Variants in PDE9A observed in about 807,000 individuals in gnomAD.
PDE9A encodes phosphodiesterase 9A.
In PDE9A, 60 loss-of-function variants were observed where a neutral mutation model predicts 87.4. The observed-to-expected ratio is 0.69, with a 90% CI of 0.56 to 0.85. The LOEUF is 0.85. Among genes scored for constraint, PDE9A ranks in the 40% least tolerant of loss-of-function variants. The pLI is 0.00. For missense variants in PDE9A, 665 were observed against 779.0 expected (o/e 0.85, Z 1.74); for synonymous variants, 272 against 279.4 (o/e 0.97, Z 0.27).
chr21:42,666,159 A>G (rs779931949), intron 1 of PDE9A, among the ~76,000 whole-genome samples: 4 of 151,968 alleles, frequency 2.6e-5, no homozygotes, highest in African/African-American at 7.3e-5. Flanking sequence ...GGGCGTGGTC[A>G]TTCGTGCAGT....
intron 6 of PDE9A, 60 bp from the exon 7 acceptor site, chr21:42,733,296 G>GT: frequency 1.0e-6 from 1 of 1,004,762 alleles, no homozygotes; most frequent in Non-Finnish European, 1.6e-6. Flanking sequence ...TGCTTAACCG[G>GT]TTTTGGCTCT....
chr21:42,687,801 C>A, intron 2 of PDE9A, 116 bp from the exon 3 acceptor site: 2 of 813,782 alleles, frequency 2.5e-6, no homozygotes, highest in South Asian at 1.5e-5. Context: ...ACACCTTGGT[C>A]AGGCTGGTCC....
rs1359382314 is a variant in PDE9A, at chr21:42,759,062, C to G, written c.874C>G (p.Pro292Ala). 1 of 1,613,920 alleles carries G rather than the reference C, an allele frequency of 6.2e-7. No homozygotes were observed. Among genetic ancestry groups the G allele is most frequent in the Non-Finnish European group, 8.5e-7 (1 of 1,179,788 alleles). ...GCTGGTCAGGGACTTCAGCATCAAC[C>G]CTGTCACCCTCAGGAGGTGGCTGGT... ...LGLVRDFSIN[P>A]VTLRRWLFCV... Residue 292 changes from proline to alanine, a missense_variant, in exon 11 of 20, where the codon CCT becomes GCT. Coordinates refer to ENST00000291539, the MANE Select transcript of PDE9A (RefSeq NM_002606.3). The surrounding 1 kb of genome is among the most constrained non-coding windows in gnomAD (Gnocchi z 7.2).
At chr21:42,697,355 A>G in intron 3 of PDE9A, 1 of 996,636 alleles carries the variant, frequency 1.0e-6, no homozygotes, top group Non-Finnish European at 1.6e-6. Flanking sequence ...GCCCCCAGTT[A>G]ATCACCATGA....
chr21:42,764,608 C>T (rs1470662248), intron 14 of PDE9A, among the ~76,000 whole-genome samples: 3 of 152,244 alleles, frequency 2.0e-5, no homozygotes, highest in East Asian at 3.8e-4. Flanking sequence ...CACAGGGGAT[C>T]GTTCTCGTGC....
At chr21:42,670,532 TCA>T (rs1457773151) in intron 1 of PDE9A, among the ~76,000 whole-genome samples, 10 of 148,660 alleles carry the variant, frequency 6.7e-5, no homozygotes, top group South Asian at 2.1e-4. Flanking sequence ...AATCACACAT[TCA>T]CACTCACGTA....
chr21:42,671,051 G>A (rs1189218193), intron 1 of PDE9A, among the ~76,000 whole-genome samples: 1 of 152,140 alleles, frequency 6.6e-6, no homozygotes, highest in African/African-American at 2.4e-5. Context: ...TAATTACATT[G>A]TGGTTATCTT....
At chr21:42,668,954 C>T (rs62215379) in intron 1 of PDE9A, among the ~76,000 whole-genome samples, 19,802 of 147,048 alleles carry the variant, frequency 0.13, 1,616 homozygotes, top group East Asian at 0.35. Flanking sequence ...CTCTGGCCAG[C>T]GGCTGAGCCC....
intron 1 of PDE9A, among the ~76,000 whole-genome samples, chr21:42,670,716 C>T (rs1569120189): frequency 6.6e-6 from 1 of 151,676 alleles, no homozygotes; most frequent in East Asian, 1.9e-4. Flanking sequence ...TACACTTACA[C>T]TCACAGTCAC....
chr21:42,673,822 A>T (rs879595134), intron 1 of PDE9A, among the ~76,000 whole-genome samples: 13 of 152,156 alleles, frequency 8.5e-5, no homozygotes, highest in Non-Finnish European at 1.8e-4. Flanking sequence ...GCCAGCCTGG[A>T]TGCCTGGGCG....
chr21:42,691,563 A>G (rs1223171215), intron 3 of PDE9A, among the ~76,000 whole-genome samples: 4 of 150,318 alleles, frequency 2.7e-5, no homozygotes, highest in Non-Finnish European at 3.0e-5. Flanking sequence ...ATCTAGCACC[A>G]TCACCATCCA....
At chr21:42,762,044 G>A (rs1365019473) in intron 13 of PDE9A, 39 bp from the exon 14 acceptor site, 1 of 1,595,442 alleles carries the variant, frequency 6.3e-7, no homozygotes. Flanking sequence ...ACCTGGTGAG[G>A]GCGCCTGAGT....
chr21:42,701,528 C>T (rs2048384522), intron 4 of PDE9A, among the ~76,000 whole-genome samples: 1 of 151,896 alleles, frequency 6.6e-6, no homozygotes, highest in Non-Finnish European at 1.5e-5. Flanking sequence ...CCTTGACCTC[C>T]TAGGCTGAAG....
intron 4 of PDE9A, among the ~76,000 whole-genome samples, chr21:42,711,703 T>G (rs1352628325): frequency 6.6e-6 from 1 of 152,202 alleles, no homozygotes; most frequent in African/African-American, 2.4e-5. Flanking sequence ...AGATGTTATG[T>G]TTTAATCTGT....
intron 7 of PDE9A, among the ~76,000 whole-genome samples, chr21:42,740,828 G>A (rs2053176746): frequency 6.6e-6 from 1 of 152,078 alleles, no homozygotes; most frequent in African/African-American, 2.4e-5. Context: ...AAGGCTGGGA[G>A]TGGGCAGAAA....
intron 4 of PDE9A, among the ~76,000 whole-genome samples, chr21:42,720,257 G>A (rs1183690468): frequency 1.3e-5 from 2 of 152,200 alleles, no homozygotes; most frequent in Non-Finnish European, 2.9e-5. Flanking sequence ...ACTTTGGGAG[G>A]CCAAGGCGGG....
intron 1 of PDE9A, among the ~76,000 whole-genome samples, chr21:42,684,929 T>C (rs1439841621): frequency 6.6e-6 from 1 of 151,656 alleles, no homozygotes; most frequent in African/African-American, 2.4e-5. Flanking sequence ...AAAAAATCTG[T>C]TTTCTATATT....
In PDE9A at chr21:42,760,554, C is replaced by T. The variant is rs140898077; in HGVS notation, c.1002+122C>T. On this transcript the variant is annotated intron_variant, in intron 12 of 19. Coordinates refer to ENST00000291539, the MANE Select transcript of PDE9A (RefSeq NM_002606.3). The surrounding 1 kb of genome is among the most constrained non-coding windows in gnomAD (Gnocchi z 5.2). ...ACAGGCGTGGGGTCCCCAGCCGCTC[C>T]GCCCCTCCTAGGGACGCACCCCTGC... is the stretch of plus-strand genomic sequence containing the variant. 2.1e-3 allele frequency: 1,415 copies of T among 669,318 alleles called. 17 individuals carry two copies. In the East Asian group the frequency reaches 0.033, roughly 16 times the overall value. 41.5% of individuals were successfully genotyped at this position (669,318 alleles called of 1,614,324 possible).
intron 1 of PDE9A, among the ~76,000 whole-genome samples, chr21:42,670,357 TCC>T (rs1362414277): frequency 7.7e-6 from 1 of 129,754 alleles, no homozygotes; most frequent in African/African-American, 3.7e-5. Context: ...TACACACACA[TCC>T]ACACACACAT....
Sources: allele counts gnomAD v4.1 joint callset (sites outside exome capture counted in the v4.1 genomes callset), GRCh38; gene constraint gnomAD v4.1.1; non-coding constraint Gnocchi (gnomAD v3.1); transcripts MANE v1.5; gene names NCBI Gene and HGNC (gene_info 2026-07-23, HGNC 2026-07-21).